Variants in ORMDL1 observed in about 807,000 individuals in gnomAD.
ORMDL1 encodes the protein ORMDL sphingolipid biosynthesis regulator 1.
In ORMDL1, 10 loss-of-function variants were observed where a neutral mutation model predicts 13.0. That is an observed-to-expected ratio of 0.77 (90% CI 0.47 to 1.30). ORMDL1 has a LOEUF of 1.30. ORMDL1 is among the 50% of genes most tolerant of loss of function. The pLI is 0.00. For synonymous variants in ORMDL1, 61 were observed against 63.9 expected, an observed-to-expected ratio of 0.95 and a Z score of 0.22; for missense variants, 171 against 186.7, an observed-to-expected ratio of 0.92 and a Z score of 0.49.
Position 189,771,836 on chromosome 2 carries a change from G to A in ORMDL1, c.393C>T (p.Leu131=), listed in dbSNP as rs1216507774. ...GCATTTTGGGAATTAGTACACTCAGGAGAGAAGCTGTGTTTAGGATGAAGT... is the reference window on the plus strand; with the variant it reads ...GCATTTTGGGAATTAGTACACTCAGAAGAGAAGCTGTGTTTAGGATGAAGT... ...PTHFILNTAS[L]LSVLIPKMPQ... is the part of the protein sequence containing the mutation. The change falls in exon 5 of 5, where the codon CTC becomes CTT. Residue 131 remains leucine, a synonymous_variant. Coordinates refer to ENST00000392349, the MANE Select transcript of ORMDL1 (RefSeq NM_016467.5). 2 of 1,610,804 alleles carry A rather than the reference G, an allele frequency of 1.2e-6. No homozygotes were observed. Among genetic ancestry groups the A allele is most frequent in the Non-Finnish European group, 1.7e-6 (2 of 1,177,536 alleles).
Position 189,773,496 on chromosome 2 carries a change from C to T in ORMDL1, c.327-1594G>A, listed in dbSNP as rs372779355. ...CAGCACTTTGGGAGGCCAAGGCAGG[C>T]GGATCACCTGAGGTGAGAAGTTCAA... On this transcript the variant is annotated intron_variant, in intron 4 of 4. Coordinates refer to ENST00000392349, the MANE Select transcript of ORMDL1 (RefSeq NM_016467.5). 1.4e-3 allele frequency among the ~76,000 whole-genome samples: 213 copies of T among 152,120 alleles called. 7 individuals carry two copies. In the South Asian group the frequency reaches 0.037, roughly 26 times the overall value.
At chr2:189,783,402 C>A (rs2047941080) in intron 1 of ORMDL1, 1 of 152,144 alleles carries the variant, frequency 6.6e-6, no homozygotes, top group African/African-American at 2.4e-5. Context: ...CTGAAGAACA[C>A]CTATCATCCG....
rs2047915314 is a variant in ORMDL1, at chr2:189,783,060, A to G, written c.-54T>C. On this transcript the variant is annotated 5_prime_UTR_variant, in exon 2 of 5. Coordinates refer to ENST00000392349, the MANE Select transcript of ORMDL1 (RefSeq NM_016467.5). Reference sequence around the variant, plus strand: ...CAGACTCTTATATTTGACTTAATGTATCCATAAAGAATGGTCAGAGTTCAG... The same window carrying G: ...CAGACTCTTATATTTGACTTAATGTGTCCATAAAGAATGGTCAGAGTTCAG... 1 of 157,518 alleles carries G rather than the reference A, an allele frequency of 6.3e-6. No individual in the cohort carries two copies. The highest frequency in any genetic ancestry group is 1.4e-5 in the Non-Finnish European group (1 of 70,730). The allele number at this position is 157,518 out of a possible 1,614,324, so 9.8% of individuals were successfully genotyped here. A position where few individuals can be genotyped will look rare whatever the true frequency, so the allele number is the denominator to read the frequency against.
chr2:189,766,504 G>A (rs528690492), downstream of ORMDL1, among the ~76,000 whole-genome samples: 112 of 152,240 alleles, frequency 7.4e-4, no homozygotes, highest in Non-Finnish European at 1.3e-3. Context: ...GAGGTGGGCG[G>A]ATTACCTGGA....
In ORMDL1 at chr2:189,771,245, A is replaced by AT. The variant is rs1226110371; in HGVS notation, c.*521dup. ...CCAGCAAAACCAAAAAAGTACCCTC[A>AT]TAAGTGGGAACTGGCTTGTATAAAA... On this transcript the variant is annotated 3_prime_UTR_variant, in exon 5 of 5. Coordinates refer to ENST00000392349, the MANE Select transcript of ORMDL1 (RefSeq NM_016467.5). 1 of 152,244 alleles carries AT rather than the reference A, an allele frequency of 6.6e-6. No individual in the cohort carries two copies. The highest frequency in any genetic ancestry group is 1.5e-5 in the Non-Finnish European group (1 of 68,046). The allele number at this position is 152,244 out of a possible 1,614,324, so 9.4% of individuals were successfully genotyped here.
intron 3 of ORMDL1, 136 bp downstream of exon 3, chr2:189,782,286 C>T: frequency 1.5e-6 from 1 of 669,520 alleles, no homozygotes; most frequent in South Asian, 2.0e-5. Flanking sequence ...CATCCACATC[C>T]AGAACTCTCT....
rs2047881677 is a variant in ORMDL1, at chr2:189,782,570, T to C, written c.26A>G (p.Glu9Gly). The C allele has an allele frequency of 6.2e-7, 1 of 1,614,040 alleles. No individual in the cohort carries two copies. The highest frequency in any genetic ancestry group is 2.2e-5 in the East Asian group (1 of 44,894). Residue 9 changes from glutamate to glycine, a missense_variant, in exon 3 of 5, where the codon GAA becomes GGA. Glu to Gly is a moderately conservative substitution (Grantham distance 98). Coordinates refer to ENST00000392349, the MANE Select transcript of ORMDL1 (RefSeq NM_016467.5). ...CATGACACGGGTATTTGGATTCACT[T>C]CACTGTGGGCAACTCCAACGTTCAT... MNVGVAHS[E>G]VNPNTRVMNS... is the part of the protein sequence containing the mutation.
chr2:189,779,934 A>G (rs2047786518), intron 3 of ORMDL1, among the ~76,000 whole-genome samples: 1 of 152,202 alleles, frequency 6.6e-6, no homozygotes, highest in Admixed American at 6.5e-5. Context: ...TGTAGTAGTT[A>G]TTACCAAAGC....
chr2:189,765,715 A>G (rs2047469142), downstream of ORMDL1, among the ~76,000 whole-genome samples: 1 of 152,112 alleles, frequency 6.6e-6, no homozygotes. Context: ...AACAATAGAA[A>G]TGTGTGTGGT....
rs75490934 is a variant in ORMDL1 at position 189,775,375 on chromosome 2, A to T, written c.326+190T>A. The T allele has an allele frequency of 5.6e-3, 3,337 of 590,820 alleles. 86 individuals are homozygous for T. The highest frequency in any genetic ancestry group is 0.056 in the African/African-American group (2,995 of 53,286). 36.6% of individuals were successfully genotyped at this position (590,820 alleles called of 1,614,324 possible). On this transcript the variant is annotated intron_variant, in intron 4 of 4. Transcript: ENST00000392349. ...CATGTAATATTGTCTCCGTATATGT[A>T]CTGACTGAAGTGAAAATTAGTTTAT...
At chr2:189,768,963 G>C (rs940352940), downstream of ORMDL1, among the ~76,000 whole-genome samples, 1 of 152,054 alleles carries the variant, frequency 6.6e-6, no homozygotes, top group Non-Finnish European at 1.5e-5. Flanking sequence ...TTAGATTTTT[G>C]ACTCGATATA....
rs1022872783 is a variant in ORMDL1 at position 189,770,727 on chromosome 2, T to A, written c.*1040A>T. On this transcript the variant is annotated 3_prime_UTR_variant, in exon 5 of 5. Coordinates refer to ENST00000392349, the MANE Select transcript of ORMDL1 (RefSeq NM_016467.5). ...GACAGTTACCATTTTGGGCTATATA[T>A]ACTAAAACCCACGTATTCAAAGGCA... 3 of 152,150 alleles carry A rather than the reference T, an allele frequency of 2.0e-5. No individual in the cohort carries two copies. Among genetic ancestry groups the A allele is most frequent in the African/African-American group, 4.8e-5 (2 of 41,436 alleles). The allele number at this position is 152,150 out of a possible 1,614,324, so 9.4% of individuals were successfully genotyped here. A position where few individuals can be genotyped will look rare whatever the true frequency, so the allele number is the denominator to read the frequency against.
chr2:189,777,882 A>G (rs1010761086), intron 3 of ORMDL1, among the ~76,000 whole-genome samples: 15 of 152,208 alleles, frequency 9.9e-5, no homozygotes, highest in African/African-American at 2.7e-4. Context: ...TCTCATTTTT[A>G]AAGGCATTCA....
chr2:189,768,229 T>G (rs1187259324), downstream of ORMDL1, among the ~76,000 whole-genome samples: 1 of 152,246 alleles, frequency 6.6e-6, no homozygotes, highest in Non-Finnish European at 1.5e-5. Context: ...TTAGGGTATT[T>G]TACCTAGATA....
At chr2:189,781,160 T>C (rs1012766032) in intron 3 of ORMDL1, among the ~76,000 whole-genome samples, 4 of 152,162 alleles carry the variant, frequency 2.6e-5, no homozygotes, top group African/African-American at 9.7e-5. Flanking sequence ...TGAGCTCAAG[T>C]GATCTGTCCA....
chr2:189,782,683 T>G, intron 2 of ORMDL1, 81 bp from the exon 3 acceptor site: 1 of 1,298,836 alleles, frequency 7.7e-7, no homozygotes, highest in Non-Finnish European at 1.1e-6. Flanking sequence ...AAGGTACCTG[T>G]GTTGCGAGGA....
At chr2:189,781,788 TACTAA>T (rs2047841872) in intron 3 of ORMDL1, among the ~76,000 whole-genome samples, 1 of 152,190 alleles carries the variant, frequency 6.6e-6, no homozygotes, top group Admixed American at 6.5e-5. Flanking sequence ...TACTAAAAAC[TACTAA>T]ACTATACACT....
downstream of ORMDL1, among the ~76,000 whole-genome samples, chr2:189,769,355 C>A (rs2047533863): frequency 6.6e-6 from 1 of 151,044 alleles, no homozygotes; most frequent in African/African-American, 2.4e-5. Flanking sequence ...CCACTGCACT[C>A]CAGCCTGGGC....
At chr2:189,778,058 C>A in intron 3 of ORMDL1, 1 of 387,970 alleles carries the variant, frequency 2.6e-6, no homozygotes, top group South Asian at 1.9e-5. Context: ...AATTACCAAT[C>A]ATTTGTCCAT....
Sources: gnomAD v4.1 joint callset for allele counts (sites outside exome capture counted in the v4.1 genomes callset) on GRCh38, gnomAD v4.1.1 for gene constraint, MANE v1.5 for transcripts, NCBI Gene and HGNC (gene_info 2026-07-23, HGNC 2026-07-21) for gene names.